DLG2: variants seen among roughly 807,000 people sequenced by gnomAD.
The protein encoded by DLG2 is disks large homolog 2.
Under a neutral mutation model 132.5 loss-of-function variants are expected in DLG2, and 45 were observed. That is an observed-to-expected ratio of 0.34 (90% confidence interval 0.27 to 0.44). The LOEUF (loss-of-function observed/expected upper bound fraction) is 0.44, where lower values mean the gene tolerates loss of function less well. Among genes scored for constraint, DLG2 ranks in the 20% least tolerant of loss-of-function variants. DLG2 has a pLI of 1.00. For missense variants in DLG2, 1,045 were observed against 1,196.9 expected (o/e 0.87, Z 1.87); for synonymous variants, 424 against 419.6 (o/e 1.01, Z -0.13).
intron 17 of DLG2, among the ~76,000 whole-genome samples, chr11:83,808,601 A>T (rs557756438): frequency 1.3e-5 from 2 of 152,318 alleles, no homozygotes; most frequent in South Asian, 4.1e-4. Context: ...TCTTGGCACG[A>T]GGAGTTCCAT....
intron 6 of DLG2, among the ~76,000 whole-genome samples, chr11:84,730,576 A>T (rs748345560): frequency 8.5e-5 from 13 of 152,060 alleles, no homozygotes; most frequent in Non-Finnish European, 1.8e-4. Flanking sequence ...TCAAAAAAAT[A>T]TACTAAATCA....
intron 4 of DLG2, among the ~76,000 whole-genome samples, chr11:85,198,049 C>T (rs781736792): frequency 3.3e-5 from 5 of 151,876 alleles, no homozygotes; most frequent in Admixed American, 2.0e-4. Context: ...TTCTTCCTGT[C>T]GGGACCAAAC....
intron 7 of DLG2, among the ~76,000 whole-genome samples, chr11:84,522,381 G>A (rs2099306095): frequency 6.6e-6 from 1 of 152,112 alleles, no homozygotes; most frequent in South Asian, 2.1e-4. Flanking sequence ...GGGCCTTAAG[G>A]TCAAGGTGGG....
chr11:84,002,241 C>G (rs528020560), intron 11 of DLG2, among the ~76,000 whole-genome samples: 1 of 152,166 alleles, frequency 6.6e-6, no homozygotes, highest in African/African-American at 2.4e-5. Flanking sequence ...TTGATACATG[C>G]ATTAGTCTGT....
At position 83,734,930 on chromosome 11, in the gene DLG2, G is replaced by A. The variant is rs187379523; in HGVS notation, c.1825+51760C>T. ...AATACACATTTTATACATATTTGTC[G>A]TACACCACACACAAACAAGGCGCCC... On this transcript the variant is annotated intron_variant, in intron 18 of 27. Coordinates refer to ENST00000376104, the MANE Select transcript of DLG2 (RefSeq NM_001142699.3). Among the ~76,000 whole-genome samples, 337 of 151,122 alleles carry A rather than the reference G, an allele frequency of 2.2e-3. 3 individuals are homozygous for A. The highest frequency in any genetic ancestry group is 3.4e-3 in the Middle Eastern group (1 of 290).
At chr11:84,049,357 G>C (rs750347626) in intron 11 of DLG2, among the ~76,000 whole-genome samples, 1 of 151,890 alleles carries the variant, frequency 6.6e-6, no homozygotes, top group Middle Eastern at 3.4e-3. Flanking sequence ...TAAGCAATGT[G>C]CCAGATGCCT....
chr11:83,862,206 C>T (rs574553458), intron 16 of DLG2, among the ~76,000 whole-genome samples: 15 of 152,078 alleles, frequency 9.9e-5, no homozygotes, highest in Non-Finnish European at 1.3e-4. Context: ...TACCAACAAA[C>T]GAGAATGGAT....
At chr11:85,468,436 C>T (rs537552786) in intron 3 of DLG2, among the ~76,000 whole-genome samples, 43 of 152,276 alleles carry the variant, frequency 2.8e-4, no homozygotes, top group African/African-American at 9.9e-4. Flanking sequence ...TCTGCTTTCT[C>T]TTGTGGGCAT....
intron 17 of DLG2, chr11:83,790,604 G>A: frequency 1.5e-6 from 2 of 1,318,936 alleles, no homozygotes; most frequent in South Asian, 1.2e-5. Flanking sequence ...GTCCACTGAA[G>A]TTCCTTTGGA....
chr11:83,976,867 A>G (rs12808113), intron 12 of DLG2, among the ~76,000 whole-genome samples: 6,455 of 152,042 alleles, frequency 0.042, 198 homozygotes, highest in Non-Finnish European at 0.067. Flanking sequence ...TGAACTAACC[A>G]GAGATGTGAA....
At chr11:84,611,628 A>AT (rs1196733887) in intron 6 of DLG2, among the ~76,000 whole-genome samples, 1 of 152,092 alleles carries the variant, frequency 6.6e-6, no homozygotes, top group Admixed American at 6.6e-5. Context: ...AATTAAAATC[A>AT]TTTTTTTAAA....
At chr11:84,316,864 C>G (rs753778739) in intron 7 of DLG2, 26 of 1,612,670 alleles carry the variant, frequency 1.6e-5, no homozygotes, top group Non-Finnish European at 2.2e-5. Context: ...AGGTACAATG[C>G]TCCCCACAAG....
intron 7 of DLG2, chr11:84,273,265 T>A: frequency 6.8e-7 from 1 of 1,475,948 alleles, no homozygotes; most frequent in Non-Finnish European, 9.0e-7. Context: ...TAGCGAAAGC[T>A]GGTAACACTC....
At chr11:83,708,868 G>A (rs889600138) in intron 18 of DLG2, among the ~76,000 whole-genome samples, 1 of 152,154 alleles carries the variant, frequency 6.6e-6, no homozygotes, top group Non-Finnish European at 1.5e-5. Context: ...GATCATGAGA[G>A]AAAGACTTGG....
At chr11:84,487,947 G>A (rs919851666) in intron 7 of DLG2, among the ~76,000 whole-genome samples, 2 of 152,112 alleles carry the variant, frequency 1.3e-5, no homozygotes, top group African/African-American at 4.8e-5. Context: ...CCATTTTATT[G>A]GAGACAAAGT....
At chr11:84,579,806 G>T (rs1415049926) in intron 6 of DLG2, among the ~76,000 whole-genome samples, 1 of 152,202 alleles carries the variant, frequency 6.6e-6, no homozygotes, top group Non-Finnish European at 1.5e-5. Context: ...AGGCAGGAAT[G>T]ATAAAGGGCT....
At chr11:83,740,175 T>C (rs2092389249) in intron 18 of DLG2, among the ~76,000 whole-genome samples, 1 of 152,212 alleles carries the variant, frequency 6.6e-6, no homozygotes, top group Admixed American at 6.5e-5. Context: ...CTCCTATATA[T>C]ACACCTTTGT....
intron 19 of DLG2, 176 bp downstream of exon 19, chr11:83,633,035 T>C: frequency 1.7e-6 from 1 of 579,970 alleles, no homozygotes; most frequent in Non-Finnish European, 3.0e-6. Context: ...TTAACTAATT[T>C]AATCTAATAA....
chr11:84,705,446 T>C (rs2059687700), intron 6 of DLG2, among the ~76,000 whole-genome samples: 1 of 151,728 alleles, frequency 6.6e-6, no homozygotes, highest in African/African-American at 2.4e-5. Context: ...CACTGGACCA[T>C]ACATGGATTC....
Sources: gnomAD v4.1 joint callset for allele counts (sites outside exome capture counted in the v4.1 genomes callset) on GRCh38, gnomAD v4.1.1 for gene constraint, MANE v1.5 for transcripts, NCBI Gene and HGNC (gene_info 2026-07-23, HGNC 2026-07-21) for gene names.